LRRFIP2: variants seen among roughly 807,000 people sequenced by gnomAD.
LRRFIP2 encodes LRR binding FLII interacting protein 2, also known as leucine-rich repeat flightless-interacting protein 2.
In LRRFIP2, 109 loss-of-function variants were observed where a neutral mutation model predicts 125.9. That is an observed-to-expected ratio of 0.87 (90% CI 0.74 to 1.01). The LOEUF is 1.01. LRRFIP2 is among the 50% of genes least tolerant of loss of function. The pLI, the probability that LRRFIP2 is intolerant of heterozygous loss-of-function variation, is 0.00. For missense variants in LRRFIP2, 850 were observed against 862.3 expected, an observed-to-expected ratio of 0.99 and a Z score of 0.18; for synonymous variants, 291 against 293.1, an observed-to-expected ratio of 0.99 and a Z score of 0.07.
intron 1 of LRRFIP2, among the ~76,000 whole-genome samples, chr3:37,159,274 T>C (rs1403828624): frequency 2.0e-5 from 3 of 152,190 alleles, no homozygotes; most frequent in African/African-American, 7.2e-5. Context: ...CTTGCCACCC[T>C]TGTCAAAAAT....
rs538451846 is a variant in LRRFIP2 at position 37,091,472 on chromosome 3, G to C, written c.1102C>G (p.Leu368Val). 400 of 1,610,262 alleles carry C rather than the reference G, an allele frequency of 2.5e-4. 3 individuals are homozygous for C. In the South Asian group the frequency reaches 4.2e-3, roughly 17 times the overall value. ...TGCAGAATGGGCCCTGATACCTTTA[G>C]TTCTTTAAGCCCCTGCATGTATCTC... ...EGRYMQGLKE[L>V]KESLSEVEEK... Residue 368 changes from leucine to valine, a missense_variant, in exon 18 of 28, where the codon CTA (leucine) becomes GTA (valine). Coordinates refer to ENST00000336686, the MANE Select transcript of LRRFIP2 (RefSeq NM_006309.4).
At chr3:37,065,073 A>G (rs1197045536) in intron 23 of LRRFIP2, 2 of 154,696 alleles carry the variant, frequency 1.3e-5, no homozygotes, top group African/African-American at 2.4e-5. Flanking sequence ...AGAAGCTTAC[A>G]CATATATGAA....
At position 37,089,084 on chromosome 3, in the gene LRRFIP2, A is replaced by G. The variant is rs189318444; in HGVS notation, c.1107+2383T>C. ...TCTATAGCTTGCCTTTTTTCAATAC[A>G]TCTTGGAAAGTTTTCAGTCACTATA... On this transcript the variant is annotated intron_variant, in intron 18 of 27. Transcript: ENST00000336686. Among the ~76,000 whole-genome samples the G allele has an allele frequency of 9.9e-5, 15 of 152,148 alleles. No homozygotes were observed. In the East Asian group the frequency reaches 2.7e-3, roughly 27 times the overall value.
chr3:37,164,818 GTTCACACCTTTGTGTAATTAC>G (rs1251409682), intron 1 of LRRFIP2, among the ~76,000 whole-genome samples: 1 of 151,920 alleles, frequency 6.6e-6, no homozygotes, highest in Non-Finnish European at 1.5e-5. Flanking sequence ...CCTTCCTACT[GTTCACACCTTTGTGTAATTAC>G]TTCCCCCATG....
intron 18 of LRRFIP2, among the ~76,000 whole-genome samples, chr3:37,084,076 G>A (rs2092852965): frequency 6.6e-6 from 1 of 152,082 alleles, no homozygotes; most frequent in Non-Finnish European, 1.5e-5. Flanking sequence ...GAAAAGAATT[G>A]CAACAACATA....
rs150305042 is a variant in LRRFIP2, at chr3:37,152,631, C to T, written c.-55-3593G>A. Among the ~76,000 whole-genome samples, 806 of 152,064 alleles carry T rather than the reference C, an allele frequency of 5.3e-3. 7 individuals carry two copies. Among genetic ancestry groups the T allele is most frequent in the African/African-American group, 0.016 (672 of 41,472 alleles). ...GCTAATTTTGTAATTTTAGTAGAGA[C>T]GGGGTTTCACCATGTTGGCCAGACT... On this transcript the variant is annotated intron_variant, in intron 1 of 27. Transcript: ENST00000336686.
At chr3:37,135,355 A>T (rs2095531765) in intron 2 of LRRFIP2, among the ~76,000 whole-genome samples, 1 of 151,348 alleles carries the variant, frequency 6.6e-6, no homozygotes, top group Non-Finnish European at 1.5e-5. Flanking sequence ...GCTACTCGCG[A>T]GCCTGAGGCA....
intron 20 of LRRFIP2, among the ~76,000 whole-genome samples, chr3:37,073,960 A>T (rs1264030003): frequency 2.0e-5 from 3 of 152,230 alleles, no homozygotes; most frequent in Non-Finnish European, 4.4e-5. Context: ...CCTACCTTAT[A>T]TGGAGAAAAA....
chr3:37,066,374 A>G (rs777156489), intron 21 of LRRFIP2, 49 bp from the exon 22 acceptor site: 1 of 1,408,956 alleles, frequency 7.1e-7, no homozygotes, highest in Admixed American at 1.7e-5. Context: ...GAAAAAGAGC[A>G]GGTGAAAGGT....
Position 37,058,910 on chromosome 3 carries a change from T to C in LRRFIP2, c.1750A>G (p.Ile584Val), listed in dbSNP as rs2087713619. The change falls in exon 25 of 28, where the codon ATT becomes GTT. Residue 584 changes from isoleucine (I) to valine (V), a missense_variant and splice_region_variant. Transcript: ENST00000336686. ...TCTAACTGAAGCTTCAGTTTTCTAATCTGAAATGAAAATAAAGGTTCATCA... is the reference window on the plus strand; with the variant it reads ...TCTAACTGAAGCTTCAGTTTTCTAACCTGAAATGAAAATAAAGGTTCATCA... ...AGEKEELLSQ[I>V]RKLKLQLEEE... The C allele has an allele frequency of 6.2e-7, 1 of 1,613,694 alleles. No homozygotes were observed. Among genetic ancestry groups the C allele is most frequent in the Non-Finnish European group, 8.5e-7 (1 of 1,179,892 alleles).
chr3:37,094,938 C>T, intron 16 of LRRFIP2, 30 bp from the exon 17 acceptor site: 1 of 1,338,176 alleles, frequency 7.5e-7, no homozygotes, highest in Non-Finnish European at 1.1e-6. Flanking sequence ...CCTTCTAAGT[C>T]TCATTTCTTT....
intron 1 of LRRFIP2, among the ~76,000 whole-genome samples, chr3:37,154,116 C>T (rs766718309): frequency 5.9e-5 from 9 of 151,900 alleles, no homozygotes; most frequent in South Asian, 2.1e-4. Context: ...GTCAAGGTTA[C>T]GGTGAGCCGT....
chr3:37,145,512 T>G (rs1454303649), intron 2 of LRRFIP2, among the ~76,000 whole-genome samples: 1 of 152,208 alleles, frequency 6.6e-6, no homozygotes, highest in Non-Finnish European at 1.5e-5. Context: ...CAAATCCCTG[T>G]AAGTCTCCAA....
intron 2 of LRRFIP2, among the ~76,000 whole-genome samples, chr3:37,143,288 G>T (rs2095763824): frequency 6.6e-6 from 1 of 152,230 alleles, no homozygotes; most frequent in Non-Finnish European, 1.5e-5. Context: ...ACGTTTTCTT[G>T]CTGTCTTTAT....
intron 6 of LRRFIP2, 120 bp downstream of exon 6, chr3:37,121,372 T>C (rs2095030476): frequency 1.1e-6 from 1 of 901,688 alleles, no homozygotes; most frequent in Non-Finnish European, 1.7e-6. Flanking sequence ...TTTGCCAATA[T>C]TTTATACTTC....
At chr3:37,092,802 A>C (rs569915546) in intron 17 of LRRFIP2, among the ~76,000 whole-genome samples, 1 of 150,148 alleles carries the variant, frequency 6.7e-6, no homozygotes, top group South Asian at 2.1e-4. Flanking sequence ...CCCCCAACCC[A>C]TTTTCACAAG....
At chr3:37,133,538 C>T (rs1224772185) in intron 2 of LRRFIP2, among the ~76,000 whole-genome samples, 1 of 152,106 alleles carries the variant, frequency 6.6e-6, no homozygotes, top group Non-Finnish European at 1.5e-5. Context: ...TGAAATAAGC[C>T]AGACAGAAAG....
intron 19 of LRRFIP2, among the ~76,000 whole-genome samples, chr3:37,078,586 G>T (rs1206016679): frequency 2.6e-5 from 4 of 152,032 alleles, no homozygotes; most frequent in African/African-American, 9.7e-5. Context: ...CTATCAGCAA[G>T]AACTCATAAT....
At chr3:37,065,006 T>C (rs2089815891) in intron 23 of LRRFIP2, 2 of 153,002 alleles carry the variant, frequency 1.3e-5, no homozygotes, top group African/African-American at 4.8e-5. Flanking sequence ...AGAATGTGCT[T>C]ACTAACTTTC....
Sources: gnomAD v4.1 joint callset for allele counts (sites outside exome capture counted in the v4.1 genomes callset) on GRCh38, gnomAD v4.1.1 for gene constraint, MANE v1.5 for transcripts, NCBI Gene and HGNC (gene_info 2026-07-23, HGNC 2026-07-21) for gene names.